The following GRHL2 variants were observed in gnomAD, a reference collection of about 807,000 sequenced individuals.
The protein encoded by GRHL2 is grainyhead like transcription factor 2.
A neutral mutation model predicts 83.8 loss-of-function variants in GRHL2; 21 were observed. The observed-to-expected ratio is 0.25, with a 90% CI of 0.18 to 0.36. GRHL2 has a LOEUF of 0.36. GRHL2 is among the 10% of genes least tolerant of loss of function. The pLI is 1.00. For missense variants in GRHL2, 623 were observed against 781.8 expected (o/e 0.80, Z 2.42); for synonymous variants, 280 against 278.9 (o/e 1.00, Z -0.04).
chr8:101,546,169 C>T (rs975928742), intron 2 of GRHL2, among the ~76,000 whole-genome samples: 8 of 152,000 alleles, frequency 5.3e-5, no homozygotes, highest in Admixed American at 6.6e-5. Flanking sequence ...CGTAAGCCAC[C>T]GTGCCCAGCC....
chr8:101,541,788 A>G (rs1428725753), intron 1 of GRHL2, among the ~76,000 whole-genome samples: 1 of 152,132 alleles, frequency 6.6e-6, no homozygotes, highest in Non-Finnish European at 1.5e-5. Context: ...GTCTTTGGGT[A>G]CTTGAGTCAT....
In GRHL2 at chr8:101,492,865, G is replaced by A; in HGVS notation, c.20+76G>A. ...ATGGCAACTGGTTTGTTATGTTTTT[G>A]TTTTTAAGTTGCTATTGTTGGTATT... is the stretch of plus-strand genomic sequence containing the variant. On this transcript the variant is annotated intron_variant, in intron 1 of 15. Coordinates refer to ENST00000646743, the MANE Select transcript of GRHL2 (RefSeq NM_024915.4). 2.3e-6 allele frequency: 3 copies of A among 1,317,410 alleles called. No homozygotes were observed. The South Asian group carries it at 3.5e-5, about 15-fold the overall frequency. 81.6% of individuals were successfully genotyped at this position (1,317,410 alleles called of 1,614,324 possible).
chr8:101,567,633 T>A (rs1431955739), intron 4 of GRHL2, among the ~76,000 whole-genome samples: 2 of 152,252 alleles, frequency 1.3e-5, no homozygotes, highest in African/African-American at 4.8e-5. Context: ...TAGTCACCAC[T>A]ACTATAACAT....
At chr8:101,548,996 A>G (rs571944216) in intron 2 of GRHL2, among the ~76,000 whole-genome samples, 186 of 152,288 alleles carry the variant, frequency 1.2e-3, no homozygotes, top group African/African-American at 4.2e-3. Context: ...ATAAGTATTT[A>G]GTGAGGGCCT....
the GRHL2 span, among the ~76,000 whole-genome samples, chr8:101,675,889 C>T: frequency 1.2e-4 from 18 of 152,204 alleles, no homozygotes; most frequent in East Asian, 3.1e-3. Flanking sequence ...AGAACAGAGC[C>T]CTCAGAAATA....
chr8:101,540,484 T>A (rs1287352475), intron 1 of GRHL2, among the ~76,000 whole-genome samples: 9 of 152,192 alleles, frequency 5.9e-5, no homozygotes. Flanking sequence ...CAATGTTCTC[T>A]CTTTCCTTCC....
At chr8:101,600,071 G>C (rs6468780) in intron 8 of GRHL2, among the ~76,000 whole-genome samples, 81,122 of 152,102 alleles carry the variant, frequency 0.53, 24,103 homozygotes, top group African/African-American at 0.81. Context: ...CTGCGAGCAG[G>C]GGGAAGGCTG....
chr8:101,511,149 T>C (rs1810456565), intron 1 of GRHL2, among the ~76,000 whole-genome samples: 1 of 152,146 alleles, frequency 6.6e-6, no homozygotes, highest in South Asian at 2.1e-4. Flanking sequence ...CAAAAATAAT[T>C]TTATACATGT....
At chr8:101,543,202 T>C in intron 1 of GRHL2, 39 bp from the exon 2 acceptor site, 3 of 1,544,114 alleles carry the variant, frequency 1.9e-6, no homozygotes, top group Non-Finnish European at 2.7e-6. Context: ...AAATTTGCTC[T>C]CTCTGAAAAT....
At chr8:101,507,469 T>G (rs541804533) in intron 1 of GRHL2, among the ~76,000 whole-genome samples, 1 of 152,282 alleles carries the variant, frequency 6.6e-6, no homozygotes, top group East Asian at 1.9e-4. Context: ...ATAACACTTT[T>G]CTACCACTCA....
intron 8 of GRHL2, among the ~76,000 whole-genome samples, chr8:101,614,769 G>C (rs116302460): frequency 0.015 from 2,235 of 152,256 alleles, 45 homozygotes; most frequent in African/African-American, 0.05. Context: ...CCAAGCTAAG[G>C]CTTTAGTTAA....
intron 9 of GRHL2, among the ~76,000 whole-genome samples, chr8:101,621,338 GA>G (rs1346167062): frequency 6.6e-6 from 1 of 152,102 alleles, no homozygotes; most frequent in African/African-American, 2.4e-5. Context: ...AAGTTATGAA[GA>G]TCAATGTAAA....
At chr8:101,596,306 A>G (rs574276463) in intron 7 of GRHL2, among the ~76,000 whole-genome samples, 3 of 152,156 alleles carry the variant, frequency 2.0e-5, no homozygotes, top group Non-Finnish European at 4.4e-5. Flanking sequence ...GGAAACGAGA[A>G]CACATGCATA....
At chr8:101,577,267 A>T in intron 6 of GRHL2, 141 bp from the exon 7 acceptor site, 1 of 696,798 alleles carries the variant, frequency 1.4e-6, no homozygotes, top group Non-Finnish European at 2.6e-6. Context: ...AACGGACCAT[A>T]CAGCCAAGCT....
the GRHL2 span, among the ~76,000 whole-genome samples, chr8:101,679,413 T>A: frequency 1.3e-5 from 2 of 149,186 alleles, no homozygotes; most frequent in African/African-American, 5.0e-5. Flanking sequence ...CTCCAAGAAA[T>A]ATGGGACTAT....
In GRHL2 at chr8:101,620,340, A is replaced by T. The variant is rs1812940672; in HGVS notation, c.1257+643A>T. Among the ~76,000 whole-genome samples, 3 of 152,178 alleles carry T rather than the reference A, an allele frequency of 2.0e-5. No homozygotes were observed. The South Asian group carries it at 6.2e-4, about 32-fold the overall frequency. On this transcript the variant is annotated intron_variant, in intron 9 of 15. Coordinates refer to ENST00000646743, the MANE Select transcript of GRHL2 (RefSeq NM_024915.4). Reference sequence around the variant, plus strand: ...CGTAATACATTGTGCTATAAGTTTGATCCAATTAGATAGCTCAAATAACAG... The same window carrying T: ...CGTAATACATTGTGCTATAAGTTTGTTCCAATTAGATAGCTCAAATAACAG...
At chr8:101,650,368 T>C (rs891295635) in intron 14 of GRHL2, among the ~76,000 whole-genome samples, 4 of 152,230 alleles carry the variant, frequency 2.6e-5, no homozygotes, top group Non-Finnish European at 4.4e-5. Context: ...TATGATTAAA[T>C]AGTATTCCGT....
chr8:101,536,363 T>C (rs1811044835), intron 1 of GRHL2, among the ~76,000 whole-genome samples: 1 of 152,184 alleles, frequency 6.6e-6, no homozygotes, highest in African/African-American at 2.4e-5. Context: ...AGACTGGAGC[T>C]GTAATAATAA....
At chr8:101,627,286 C>T (rs1055528063) in intron 9 of GRHL2, among the ~76,000 whole-genome samples, 3 of 152,112 alleles carry the variant, frequency 2.0e-5, no homozygotes, top group Non-Finnish European at 4.4e-5. Context: ...TTCTTGTCTC[C>T]GTGTCACATT....
Sources: allele counts gnomAD v4.1 joint callset (sites outside exome capture counted in the v4.1 genomes callset), GRCh38; gene constraint gnomAD v4.1.1; transcripts MANE v1.5; gene names NCBI Gene and HGNC (gene_info 2026-07-23, HGNC 2026-07-21).